BMP8A: variants seen among roughly 807,000 people sequenced by gnomAD.
The protein encoded by BMP8A is BMP-8A.
BMP8A carries 14 observed loss-of-function variants against 36.8 expected under a neutral mutation model. The ratio of observed to expected loss-of-function variants is 0.38; its 90% CI spans 0.25 to 0.60. The LOEUF (loss-of-function observed/expected upper bound fraction) is 0.60. Among genes scored for constraint, BMP8A ranks in the 20% least tolerant of loss-of-function variants. BMP8A has a pLI of 0.63. For missense variants in BMP8A, 267 were observed against 551.1 expected (o/e 0.48, Z 5.16); for synonymous variants, 120 against 237.7 (o/e 0.50, Z 4.55).
At position 39,529,455 on chromosome 1, in the gene BMP8A, C is replaced by T. The variant is rs1199598094; in HGVS notation, c.*3657C>T. Among the ~76,000 whole-genome samples the T allele has an allele frequency of 2.0e-5, 3 of 152,224 alleles. No homozygotes were observed. The highest frequency in any genetic ancestry group is 6.5e-5 in the Admixed American group (1 of 15,282). On this transcript the variant is annotated 3_prime_UTR_variant, in exon 7 of 7. Transcript: ENST00000331593. ...CAGGTGTGCGGCCCTGCCCTGGCCC[C>T]GTAGTGAGTGTGGGGCCCACCTGTG...
rs1227929644 is a variant in BMP8A, at chr1:39,527,552, C to G, written c.*1754C>G. Among the ~76,000 whole-genome samples, 1 of 152,172 alleles carries G rather than the reference C, an allele frequency of 6.6e-6. No homozygotes were observed. Among genetic ancestry groups the G allele is most frequent in the Non-Finnish European group, 1.5e-5 (1 of 68,016 alleles). ...GCTGGTCCAGCAGCAGGGGTGGAGG[C>G]TGGGGCCACACTGCGGGACAGCAGC... On this transcript the variant is annotated 3_prime_UTR_variant, in exon 7 of 7. Transcript: ENST00000331593.
rs1645503891 is a variant in BMP8A, at chr1:39,528,363, T to G, written c.*2565T>G. On this transcript the variant is annotated 3_prime_UTR_variant, in exon 7 of 7. Transcript: ENST00000331593. ...TATCAAGGTCATCTTCTGGCCTGGT[T>G]GCCTCCCACAGCCCAGGATGCATTC... Among the ~76,000 whole-genome samples the G allele has an allele frequency of 6.6e-6, 1 of 152,190 alleles. No homozygotes were observed. Among genetic ancestry groups the G allele is most frequent in the African/African-American group, 2.4e-5 (1 of 41,452 alleles).
At chr1:39,508,212 C>T (rs1023874444) in intron 1 of BMP8A, among the ~76,000 whole-genome samples, 1 of 149,858 alleles carries the variant, frequency 6.7e-6, no homozygotes, top group African/African-American at 2.5e-5. Flanking sequence ...AATCGTGCCA[C>T]TGCACTGCAG....
At position 39,527,135 on chromosome 1, in the gene BMP8A, T is replaced by C. The variant is rs1645490832; in HGVS notation, c.*1337T>C. Among the ~76,000 whole-genome samples the C allele has an allele frequency of 6.6e-6, 1 of 152,110 alleles. No individual in the cohort carries two copies. The highest frequency in any genetic ancestry group is 1.5e-5 in the Non-Finnish European group (1 of 68,012). ...GTTATGAACAAGCTGGCCACCAAAATTGGCGTCACCCTGGGTGCCCACCAG... is the reference window on the plus strand; with the variant it reads ...GTTATGAACAAGCTGGCCACCAAAACTGGCGTCACCCTGGGTGCCCACCAG... On this transcript the variant is annotated 3_prime_UTR_variant, in exon 7 of 7. Coordinates refer to ENST00000331593, the MANE Select transcript of BMP8A (RefSeq NM_181809.4).
In BMP8A at chr1:39,493,412, G is replaced by A. The variant is rs139447242; in HGVS notation, c.334+1087G>A. Among the ~76,000 whole-genome samples, 1,421 of 152,338 alleles carry A rather than the reference G, an allele frequency of 9.3e-3. 26 individuals carry two copies. Among genetic ancestry groups the A allele is most frequent in the African/African-American group, 0.032 (1,317 of 41,572 alleles). On this transcript the variant is annotated intron_variant, in intron 1 of 6. Coordinates refer to ENST00000331593, the MANE Select transcript of BMP8A (RefSeq NM_181809.4). ...CCTCTATGTTGCTGAGCCAGGACAGGCCCAGGAAGCCTGACTGTCCATCCA... is the reference window on the plus strand; with the variant it reads ...CCTCTATGTTGCTGAGCCAGGACAGACCCAGGAAGCCTGACTGTCCATCCA...
chr1:39,509,611 C>T (rs1003130101), intron 1 of BMP8A, among the ~76,000 whole-genome samples: 1 of 152,178 alleles, frequency 6.6e-6, no homozygotes, highest in African/African-American at 2.4e-5. Context: ...ACACGTCTGG[C>T]CCCATCCCCC....
At chr1:39,504,310 A>T (rs1481284298) in intron 1 of BMP8A, among the ~76,000 whole-genome samples, 1 of 152,124 alleles carries the variant, frequency 6.6e-6, no homozygotes, top group Non-Finnish European at 1.5e-5. Context: ...TTCCCTCAGT[A>T]TTTATTGATC....
chr1:39,498,023 T>G lies in BMP8A; in HGVS notation c.334+5698T>G, dbSNP rs532839239. ...GACGGGTGACCCCCATCCCAATATGTCCCATTGAACTCCAGGGCCACTCAT... is the reference window on the plus strand; with the variant it reads ...GACGGGTGACCCCCATCCCAATATGGCCCATTGAACTCCAGGGCCACTCAT... On this transcript the variant is annotated intron_variant, in intron 1 of 6. Coordinates refer to ENST00000331593, the MANE Select transcript of BMP8A (RefSeq NM_181809.4). 2.3e-4 allele frequency among the ~76,000 whole-genome samples: 35 copies of G among 152,218 alleles called. No individual in the cohort carries two copies. The South Asian group carries it at 6.8e-3, about 30-fold the overall frequency.
chr1:39,522,024 T>C (rs1298109550), intron 4 of BMP8A, among the ~76,000 whole-genome samples: 5 of 66,562 alleles, frequency 7.5e-5, no homozygotes, highest in African/African-American at 2.0e-4. Flanking sequence ...ACTGGCCTGG[T>C]CGTGAGCCAC....
intron 1 of BMP8A, among the ~76,000 whole-genome samples, chr1:39,510,094 C>T (rs1000928357): frequency 6.8e-6 from 1 of 146,332 alleles, no homozygotes; most frequent in Non-Finnish European, 1.5e-5. Context: ...CCTCCACCCA[C>T]GCCGCCTCCC....
At chr1:39,514,269 G>A (rs1054597394) in intron 3 of BMP8A, among the ~76,000 whole-genome samples, 6 of 125,922 alleles carry the variant, frequency 4.8e-5, no homozygotes, top group African/African-American at 1.9e-4. Context: ...GTGATTCTGT[G>A]CAGAGGGAAG....
intron 6 of BMP8A, 24 bp from the exon 7 acceptor site, chr1:39,525,625 T>C (rs1242892996): frequency 1.9e-6 from 3 of 1,612,362 alleles, no homozygotes; most frequent in Non-Finnish European, 2.5e-6. Context: ...CTCATGCCCC[T>C]GCCTGTGCTC....
At position 39,527,269 on chromosome 1, in the gene BMP8A, T is replaced by C. The variant is rs1328630333; in HGVS notation, c.*1471T>C. Among the ~76,000 whole-genome samples the C allele has an allele frequency of 6.6e-6, 1 of 152,218 alleles. No homozygotes were observed. Among genetic ancestry groups the C allele is most frequent in the Admixed American group, 6.5e-5 (1 of 15,284 alleles). Reference sequence around the variant, plus strand: ...TGGGGAGGTTTGTCTCGGCCTCCACTGTTCCCGGAAACCGCTGTTCTCCTT... The same window carrying C: ...TGGGGAGGTTTGTCTCGGCCTCCACCGTTCCCGGAAACCGCTGTTCTCCTT... On this transcript the variant is annotated 3_prime_UTR_variant, in exon 7 of 7. Transcript: ENST00000331593.
chr1:39,523,099 C>A lies in BMP8A; in HGVS notation c.1041C>A (p.His347Gln). Reference sequence around the variant, plus strand: ...ACTCCTGCATGAACGCCACCAACCACGCCATCCTGCAGTCCCTGGTCAGTA... The same window carrying A: ...ACTCCTGCATGAACGCCACCAACCAAGCCATCCTGCAGTCCCTGGTCAGTA... Reference protein sequence around the residue: ...PLDSCMNATNHAILQSLVHLM... With the variant: ...PLDSCMNATNQAILQSLVHLM... The change falls in exon 6 of 7, where the codon CAC becomes CAA. Residue 347 changes from histidine to glutamine, a missense_variant. Transcript: ENST00000331593. 1 of 1,613,978 alleles carries A rather than the reference C, an allele frequency of 6.2e-7. No individual in the cohort carries two copies. Among genetic ancestry groups the A allele is most frequent in the Non-Finnish European group, 8.5e-7 (1 of 1,179,926 alleles).
At chr1:39,498,054 A>G (rs1645220970) in intron 1 of BMP8A, among the ~76,000 whole-genome samples, 1 of 152,170 alleles carries the variant, frequency 6.6e-6, no homozygotes, top group South Asian at 2.1e-4. Context: ...CTCATTTCAC[A>G]CTGGCCCCAA....
chr1:39,503,294 G>A (rs1376759313), intron 1 of BMP8A, among the ~76,000 whole-genome samples: 1 of 152,024 alleles, frequency 6.6e-6, no homozygotes, highest in East Asian at 1.9e-4. Flanking sequence ...CTTGAGCCCT[G>A]GGAGGTTGAA....
In BMP8A at chr1:39,526,226, G is replaced by A. The variant is rs1645482084; in HGVS notation, c.*428G>A. Among the ~76,000 whole-genome samples, 1 of 152,182 alleles carries A rather than the reference G, an allele frequency of 6.6e-6. No homozygotes were observed. Among genetic ancestry groups the A allele is most frequent in the Admixed American group, 6.5e-5 (1 of 15,286 alleles). Reference sequence around the variant, plus strand: ...CACTGGCCATTTCTGGGCAAAATTGGACACGCTTATGTTCTCAGCACAGTG... The same window carrying A: ...CACTGGCCATTTCTGGGCAAAATTGAACACGCTTATGTTCTCAGCACAGTG... On this transcript the variant is annotated 3_prime_UTR_variant, in exon 7 of 7. Coordinates refer to ENST00000331593, the MANE Select transcript of BMP8A (RefSeq NM_181809.4).
rs1310322188 is a variant in BMP8A at position 39,517,789 on chromosome 1, C to T, written c.674-3587C>T. On this transcript the variant is annotated intron_variant, in intron 3 of 6. Transcript: ENST00000331593. ...CAGGACCATCTCCAAGGGAAGGGAC[C>T]GGGTGATGGGAGAGACTGAGAGGGG... is the stretch of plus-strand genomic sequence containing the variant. Among the ~76,000 whole-genome samples, 7 of 152,350 alleles carry T rather than the reference C, an allele frequency of 4.6e-5. No individual in the cohort carries two copies. The East Asian group carries it at 9.6e-4, about 21-fold the overall frequency.
At position 39,510,867 on chromosome 1, in the gene BMP8A, C is replaced by T. The variant is rs573744108; in HGVS notation, c.335-307C>T. On this transcript the variant is annotated intron_variant, in intron 1 of 6. Coordinates refer to ENST00000331593, the MANE Select transcript of BMP8A (RefSeq NM_181809.4). ...GCTCCCTCCTGTCTCATCTCTGGGT[C>T]CCAGGACCAGCCGGGCCAAGAAGGG... Among the ~76,000 whole-genome samples the T allele has an allele frequency of 1.6e-4, 25 of 152,328 alleles. 1 individual carries two copies. Among genetic ancestry groups the T allele is most frequent in the South Asian group, 1.0e-3 (5 of 4,824 alleles).
Sources: gnomAD v4.1 joint callset for allele counts (sites outside exome capture counted in the v4.1 genomes callset) on GRCh38, gnomAD v4.1.1 for gene constraint, MANE v1.5 for transcripts, NCBI Gene and HGNC (gene_info 2026-07-23, HGNC 2026-07-21) for gene names.